Variants in HDAC9 observed in about 807,000 individuals in gnomAD.
HDAC9 encodes the protein MEF-2 interacting transcription repressor (MITR) protein.
HDAC9 carries 41 observed loss-of-function variants against 139.4 expected under a neutral mutation model. The observed-to-expected ratio is 0.29, with a 90% CI of 0.23 to 0.38. The LOEUF (loss-of-function observed/expected upper bound fraction) is 0.38. Among genes scored for constraint, HDAC9 ranks in the 10% least tolerant of loss-of-function variants. HDAC9 has a pLI of 1.00. For missense variants in HDAC9, 1,147 were observed against 1,297.0 expected (o/e 0.88, Z 1.78); for synonymous variants, 517 against 476.2 (o/e 1.09, Z -1.12).
At chr7:18,624,043 T>C (rs1840969292) in intron 6 of HDAC9, among the ~76,000 whole-genome samples, 1 of 152,196 alleles carries the variant, frequency 6.6e-6, no homozygotes, top group Non-Finnish European at 1.5e-5. Context: ...CATGCATGTG[T>C]ATACAAAAAT....
At chr7:18,348,554 A>G (rs902800291) in intron 1 of HDAC9, among the ~76,000 whole-genome samples, 4 of 152,126 alleles carry the variant, frequency 2.6e-5, no homozygotes, top group East Asian at 3.9e-4. Flanking sequence ...AATTATTTCT[A>G]TTAGGTATTT....
chr7:18,822,103 G>A (rs997063496), intron 17 of HDAC9, among the ~76,000 whole-genome samples: 3 of 152,110 alleles, frequency 2.0e-5, no homozygotes, highest in African/African-American at 7.2e-5. Flanking sequence ...CATCACATGG[G>A]CAAGATTGAT....
intron 2 of HDAC9, among the ~76,000 whole-genome samples, chr7:18,568,974 G>C (rs1308196493): frequency 6.6e-6 from 1 of 152,006 alleles, no homozygotes; most frequent in Non-Finnish European, 1.5e-5. Context: ...TTGAACCCGG[G>C]AGGCGAAAGT....
At chr7:18,209,820 C>T (rs1791802518) in intron 2 of HDAC9, among the ~76,000 whole-genome samples, 1 of 152,020 alleles carries the variant, frequency 6.6e-6, no homozygotes, top group Non-Finnish European at 1.5e-5. Flanking sequence ...CCTCCCTCAG[C>T]CTTCAGAGTA....
At chr7:18,905,816 C>T (rs1184755867) in intron 22 of HDAC9, among the ~76,000 whole-genome samples, 1 of 152,176 alleles carries the variant, frequency 6.6e-6, no homozygotes, top group African/African-American at 2.4e-5. Context: ...CCTTCTCCCT[C>T]ATCAAGTTTT....
chr7:18,174,087 T>C (rs768916290), intron 2 of HDAC9, among the ~76,000 whole-genome samples: 1 of 152,230 alleles, frequency 6.6e-6, no homozygotes, highest in Non-Finnish European at 1.5e-5. Context: ...GGTACACCAA[T>C]CAGATGTAGA....
chr7:18,382,301 A>AT (rs1270648749), intron 1 of HDAC9, among the ~76,000 whole-genome samples: 1 of 152,214 alleles, frequency 6.6e-6, no homozygotes, highest in East Asian at 1.9e-4. Flanking sequence ...AAACTACTAC[A>AT]TTTTTAGTAA....
intron 9 of HDAC9, 64 bp downstream of exon 9, chr7:18,644,857 C>G (rs1786871051): frequency 6.6e-7 from 1 of 1,519,956 alleles, no homozygotes; most frequent in South Asian, 1.3e-5. Context: ...GGGGAACTCT[C>G]TTTCGTGTTT....
chr7:18,349,067 A>G (rs1782646829), intron 1 of HDAC9, among the ~76,000 whole-genome samples: 3 of 152,096 alleles, frequency 2.0e-5, no homozygotes, highest in Non-Finnish European at 1.5e-5. Flanking sequence ...CATTTTCCCA[A>G]TATGAGAACA....
At chr7:18,717,767 C>T (rs1471779879) in intron 12 of HDAC9, among the ~76,000 whole-genome samples, 1 of 152,110 alleles carries the variant, frequency 6.6e-6, no homozygotes, top group East Asian at 1.9e-4. Flanking sequence ...TATAATTGTA[C>T]AGATGTACAA....
At chr7:18,343,993 C>G (rs1782210733) in intron 1 of HDAC9, among the ~76,000 whole-genome samples, 1 of 151,758 alleles carries the variant, frequency 6.6e-6, no homozygotes, top group African/African-American at 2.4e-5. Flanking sequence ...TGGGTCAGGA[C>G]CAAGTCATAT....
At chr7:18,517,072 TTAAA>T (rs1389224449) in intron 2 of HDAC9, among the ~76,000 whole-genome samples, 4 of 152,110 alleles carry the variant, frequency 2.6e-5, no homozygotes, top group African/African-American at 9.7e-5. Context: ...TAATTTATGT[TTAAA>T]TAAATATGAA....
intron 12 of HDAC9, among the ~76,000 whole-genome samples, chr7:18,710,169 G>A (rs917488112): frequency 2.6e-5 from 4 of 152,132 alleles, no homozygotes; most frequent in African/African-American, 9.7e-5. Context: ...TCACTATCAT[G>A]AGAACAGCAT....
At chr7:18,754,340 A>G (rs1231627888) in intron 14 of HDAC9, among the ~76,000 whole-genome samples, 2 of 152,008 alleles carry the variant, frequency 1.3e-5, no homozygotes, top group East Asian at 3.9e-4. Context: ...ATGCTCCTGA[A>G]GAAAAGAAAT....
intron 1 of HDAC9, among the ~76,000 whole-genome samples, chr7:18,428,805 C>T (rs1456620363): frequency 6.6e-6 from 1 of 152,054 alleles, no homozygotes; most frequent in East Asian, 1.9e-4. Flanking sequence ...TCTGTGGCTC[C>T]CCTCACTCTG....
At chr7:18,721,204 A>T (rs1477257743) in intron 12 of HDAC9, among the ~76,000 whole-genome samples, 1 of 152,148 alleles carries the variant, frequency 6.6e-6, no homozygotes, top group African/African-American at 2.4e-5. Context: ...AACACTCATA[A>T]CATCCAGCTT....
intron 24 of HDAC9, among the ~76,000 whole-genome samples, chr7:18,974,552 G>A (rs1243994946): frequency 6.6e-6 from 1 of 152,108 alleles, no homozygotes; most frequent in Non-Finnish European, 1.5e-5. Context: ...TTATTGTTTG[G>A]TTCAAATTAA....
rs1165384856 is a variant in HDAC9 at position 18,148,770 on chromosome 7, A to G, written c.-96-13459A>G. ...CCACCACATCTGGCCTCTCCCTTCCACTTTTTAGAATCCTTGTGAATGCGT... is the reference window on the plus strand; with the variant it reads ...CCACCACATCTGGCCTCTCCCTTCCGCTTTTTAGAATCCTTGTGAATGCGT... On this transcript the variant is annotated intron_variant, in intron 1 of 12. Coordinates refer to the HDAC9 transcript ENST00000417496. 2.0e-5 allele frequency among the ~76,000 whole-genome samples: 3 copies of G among 152,036 alleles called. No homozygotes were observed. In the East Asian group the frequency reaches 5.8e-4, roughly 29 times the overall value.
intron 21 of HDAC9, among the ~76,000 whole-genome samples, chr7:18,857,351 G>A (rs1028864247): frequency 6.6e-6 from 1 of 151,650 alleles, no homozygotes. Context: ...GTGTGTGTGT[G>A]TGTGTGTGTG....
Sources: allele counts gnomAD v4.1 joint callset (sites outside exome capture counted in the v4.1 genomes callset), GRCh38; gene constraint gnomAD v4.1.1; transcripts MANE v1.5; gene names NCBI Gene and HGNC (gene_info 2026-07-23, HGNC 2026-07-21).